SYNM: variants seen among roughly 807,000 people sequenced by gnomAD.
The protein encoded by SYNM is synemin.
A neutral mutation model predicts 104.0 loss-of-function variants in SYNM; 95 were observed. That is an observed-to-expected ratio of 0.91 (90% CI 0.77 to 1.08). SYNM has a LOEUF of 1.08. Among genes scored for constraint, SYNM ranks in the 50% least tolerant of loss-of-function variants. The pLI, the probability that SYNM is intolerant of heterozygous loss-of-function variation, is 0.00. For synonymous variants in SYNM, 918 were observed against 869.0 expected, an observed-to-expected ratio of 1.06 and a Z score of -0.99; for missense variants, 2,150 against 2,052.2, an observed-to-expected ratio of 1.05 and a Z score of -0.92.
rs547080068 is a variant in SYNM at position 99,133,058 on chromosome 15, A to C, written c.4698A>C (p.Ter1566TyrextTer1). 1.7e-4 allele frequency: 278 copies of C among 1,612,704 alleles called. No individual in the cohort carries two copies. Among genetic ancestry groups the C allele is most frequent in the Non-Finnish European group, 2.3e-4 (272 of 1,179,862 alleles). Reference protein sequence around the residue: ...EEEENDGHWF* With the variant: ...EEEENDGHWFY Reference sequence around the variant, plus strand: ...AGGAGAATGATGGGCATTGGTTTTAATAAGCAGAAACATTTTGTTTTAATG... The same window carrying C: ...AGGAGAATGATGGGCATTGGTTTTACTAAGCAGAAACATTTTGTTTTAATG... Residue 1566 changes from the stop codon to tyrosine, a stop_lost, in exon 4 of 4, where the codon TAA becomes TAC. Transcript: ENST00000336292.
chr15:99,105,604 C>A lies in SYNM; in HGVS notation c.405C>A (p.Gly135=), dbSNP rs1294631545. 8.2e-7 allele frequency: 1 copy of A among 1,223,946 alleles called. No homozygotes were observed. Among genetic ancestry groups the A allele is most frequent in the Non-Finnish European group, 1.0e-6 (1 of 981,644 alleles). The allele number at this position is 1,223,946 out of a possible 1,614,324, so 75.8% of individuals were successfully genotyped here. ...GCGCCGCCCTCGAGGCGCTGCTGGGCCGGCTGCAGGCCGAGCGCCGAGGCC... is the reference window on the plus strand; with the variant it reads ...GCGCCGCCCTCGAGGCGCTGCTGGGACGGCTGCAGGCCGAGCGCCGAGGCC... The part of the protein sequence containing the change: ...GARAALEALL[G]RLQAERRGLD... The change falls in exon 1 of 4, where the codon GGC becomes GGA. Residue 135 remains glycine (G), a synonymous_variant. Coordinates refer to ENST00000336292, the MANE Select transcript of SYNM (RefSeq NM_145728.3).
At position 99,129,402 on chromosome 15, in the gene SYNM, C is replaced by G. The variant is rs782022101; in HGVS notation, c.1042C>G (p.Leu348Val). The change falls in exon 4 of 4, where the codon CTA (leucine) becomes GTA (valine). Residue 348 changes from leucine to valine, a missense_variant. Coordinates refer to ENST00000336292, the MANE Select transcript of SYNM (RefSeq NM_145728.3). ...RNKSYHYTDSLLQRENERNLF... is the reference protein window; with the variant it reads ...RNKSYHYTDSVLQRENERNLF... ...CAAATCCTATCACTATACCGACTCACTACTACAGAGGGAAAATGAAAGGAA... is the reference window on the plus strand; with the variant it reads ...CAAATCCTATCACTATACCGACTCAGTACTACAGAGGGAAAATGAAAGGAA... The G allele has an allele frequency of 1.4e-5, 23 of 1,613,846 alleles. No homozygotes were observed. The highest frequency in any genetic ancestry group is 1.9e-5 in the Non-Finnish European group (23 of 1,179,910).
In SYNM at chr15:99,133,340, T is replaced by C. The variant is rs868956917; in HGVS notation, c.*282T>C. ...CTCCACTTCTGGAGATGAATTTCTA[T>C]GTTTTGCACCTGGTCACAGACATGG... On this transcript the variant is annotated 3_prime_UTR_variant, in exon 4 of 4. Transcript: ENST00000336292. 4.6e-6 allele frequency: 2 copies of C among 434,426 alleles called. No individual in the cohort carries two copies. The highest frequency in any genetic ancestry group is 4.0e-5 in the African/African-American group (2 of 49,978). The allele number at this position is 434,426 out of a possible 1,614,324, so 26.9% of individuals were successfully genotyped here. A position where few individuals can be genotyped will look rare whatever the true frequency, so the allele number is the denominator to read the frequency against.
chr15:99,105,230 G>A lies in SYNM; in HGVS notation c.31G>A (p.Glu11Lys). 6.4e-7 allele frequency: 1 copy of A among 1,573,880 alleles called. No homozygotes were observed. The highest frequency in any genetic ancestry group is 1.2e-5 in the South Asian group (1 of 86,046). The change falls in exon 1 of 4, where the codon GAG (glutamate) becomes AAG (lysine). Residue 11 changes from glutamate (E) to lysine (K), a missense_variant. By Grantham distance (56) the Glu-to-Lys change is moderately conservative. Coordinates refer to ENST00000336292, the MANE Select transcript of SYNM (RefSeq NM_145728.3). ...GTCCTGGCGGCTGCAGACGGGCCCC[G>A]AGAAGGCCGAGCTCCAGGAGCTCAA... MLSWRLQTGP[E>K]KAELQELNAR...
downstream of SYNM, chr15:99,137,870 T>G (rs2067714187): frequency 7.3e-7 from 1 of 1,372,450 alleles, no homozygotes; most frequent in Admixed American, 2.1e-5. Flanking sequence ...ATGGTCTCAC[T>G]GTTGCATGTT....
rs1055324545 is a variant in SYNM at position 99,121,280 on chromosome 15, G to A, written c.936-5442G>A. On this transcript the variant is annotated intron_variant, in intron 2 of 3. Coordinates refer to ENST00000336292, the MANE Select transcript of SYNM (RefSeq NM_145728.3). ...TCCCAGGGCCAGCACTGTGGAGGGG[G>A]TAGGCAGTGCTGGGGAGGCAGCTGC... Among the ~76,000 whole-genome samples, 4 of 152,074 alleles carry A rather than the reference G, an allele frequency of 2.6e-5. No individual in the cohort carries two copies. The South Asian group carries it at 6.2e-4, about 24-fold the overall frequency.
chr15:99,137,410 C>T (rs1187647944), downstream of SYNM: 6 of 152,336 alleles, frequency 3.9e-5, no homozygotes, highest in African/African-American at 1.2e-4. Context: ...CACCTGCCTC[C>T]TGGGCCCCAG....
intron 1 of SYNM, among the ~76,000 whole-genome samples, chr15:99,113,274 C>T (rs1442633379): frequency 3.3e-5 from 5 of 152,192 alleles, no homozygotes; most frequent in African/African-American, 1.2e-4. Flanking sequence ...AGCACTGGCT[C>T]TCCTAAGCAG....
chr15:99,124,961 G>A (rs1250480593), intron 2 of SYNM, among the ~76,000 whole-genome samples: 5 of 152,250 alleles, frequency 3.3e-5, no homozygotes, highest in Middle Eastern at 3.2e-3. Context: ...CGCAGGGCTG[G>A]TGCCTGTTTC....
intron 1 of SYNM, among the ~76,000 whole-genome samples, chr15:99,107,061 C>A (rs1444969155): frequency 6.6e-6 from 1 of 152,198 alleles, no homozygotes; most frequent in Non-Finnish European, 1.5e-5. Flanking sequence ...CCCTGGGTCC[C>A]CAGCACTGCC....
downstream of SYNM, chr15:99,139,698 G>C: frequency 7.3e-7 from 1 of 1,375,884 alleles, no homozygotes; most frequent in Non-Finnish European, 9.6e-7. Context: ...GTACTGACCA[G>C]AGGATGGGCT....
rs189164814 is a variant in SYNM, at chr15:99,130,114, A to G, written c.1754A>G (p.Gln585Arg). The change falls in exon 4 of 4, where the codon CAG becomes CGG. Residue 585 changes from glutamine (Q) to arginine (R), a missense_variant. Physicochemically the swap from Gln to Arg is conservative, Grantham distance 43 (BLOSUM62 1). Transcript: ENST00000336292. ...GTGCCGATTAGTCTAGAAGTATCCC[A>G]GGACAGAAGAGCAGAGGTGTCCCCG... ...REVPISLEVS[Q>R]DRRAEVSPKG... is the part of the protein sequence containing the mutation. 14 of 1,613,948 alleles carry G rather than the reference A, an allele frequency of 8.7e-6. No individual in the cohort carries two copies. The Admixed American group carries it at 1.3e-4, about 15-fold the overall frequency.
intron 3 of SYNM, 138 bp from the exon 4 acceptor site, chr15:99,129,227 CTT>C: frequency 7.8e-7 from 1 of 1,274,760 alleles, no homozygotes; most frequent in Non-Finnish European, 1.0e-6. Context: ...CCAAATATAA[CTT>C]ATCTTTATAA....
intron 2 of SYNM, among the ~76,000 whole-genome samples, chr15:99,119,156 A>C (rs1215759979): frequency 3.3e-5 from 5 of 152,162 alleles, no homozygotes; most frequent in African/African-American, 1.2e-4. Context: ...GCACCTGCGA[A>C]TCTCCCGGCC....
intron 2 of SYNM, among the ~76,000 whole-genome samples, chr15:99,117,167 G>A (rs763474357): frequency 2.9e-5 from 3 of 104,200 alleles, no homozygotes; most frequent in Non-Finnish European, 4.5e-5. Flanking sequence ...CATCCAAACC[G>A]TATCAAATCC....
rs1555486382 is a variant in SYNM at position 99,134,024 on chromosome 15, A to G, written c.*966A>G. ...CTGTGTACAGGAAAATTGGAAGCACACAGTGGACTGTGCCTCTTAAAGATG... is the reference window on the plus strand; with the variant it reads ...CTGTGTACAGGAAAATTGGAAGCACGCAGTGGACTGTGCCTCTTAAAGATG... On this transcript the variant is annotated 3_prime_UTR_variant, in exon 4 of 4. Transcript: ENST00000336292. 2 of 152,224 alleles carry G rather than the reference A, an allele frequency of 1.3e-5. No individual in the cohort carries two copies. The highest frequency in any genetic ancestry group is 4.8e-5 in the African/African-American group (2 of 41,444). 9.4% of individuals were successfully genotyped at this position (152,224 alleles called of 1,614,324 possible).
chr15:99,125,207 T>G (rs2151806523), intron 2 of SYNM, among the ~76,000 whole-genome samples: 1 of 152,296 alleles, frequency 6.6e-6, no homozygotes, highest in African/African-American at 2.4e-5. Flanking sequence ...CTGCCCTGGC[T>G]CCTCAGCTGC....
chr15:99,113,446 C>G (rs2067317883), intron 1 of SYNM, 145 bp from the exon 2 acceptor site: 1 of 1,004,638 alleles, frequency 1.0e-6, no homozygotes, highest in African/African-American at 1.6e-5. Flanking sequence ...CTGCAAGTGA[C>G]TGCATGTTTA....
At chr15:99,129,149 T>A (rs1555485343) in intron 3 of SYNM, 2 of 605,150 alleles carry the variant, frequency 3.3e-6, no homozygotes, top group Admixed American at 3.2e-5. Context: ...CGTGTTAGGC[T>A]GAAGTATTTG....
Sources: gnomAD v4.1 joint callset for allele counts (sites outside exome capture counted in the v4.1 genomes callset) on GRCh38, gnomAD v4.1.1 for gene constraint, MANE v1.5 for transcripts, NCBI Gene and HGNC (gene_info 2026-07-23, HGNC 2026-07-21) for gene names.